The following HPSE variants were observed in gnomAD, a reference collection of about 807,000 sequenced individuals.
HPSE encodes endo-glucoronidase.
In HPSE, 48 loss-of-function variants were observed where a neutral mutation model predicts 65.1. The observed-to-expected ratio is 0.74, with a 90% CI of 0.58 to 0.94. HPSE has a LOEUF of 0.94. HPSE is among the 40% of genes least tolerant of loss of function. The pLI, the probability that HPSE is intolerant of heterozygous loss-of-function variation, is 0.00. For missense variants in HPSE, 644 were observed against 637.5 expected (o/e 1.01, Z -0.11); for synonymous variants, 243 against 260.0 (o/e 0.93, Z 0.63).
At chr4:83,321,192 T>G (rs1351563441) in intron 2 of HPSE, among the ~76,000 whole-genome samples, 2 of 152,094 alleles carry the variant, frequency 1.3e-5, no homozygotes, top group Non-Finnish European at 2.9e-5. Context: ...AGTGGGACTC[T>G]GTCTAAAAAA....
At chr4:83,321,404 T>A (rs1338290374) in intron 2 of HPSE, among the ~76,000 whole-genome samples, 1 of 152,204 alleles carries the variant, frequency 6.6e-6, no homozygotes. Flanking sequence ...ATATTCCTCA[T>A]AATGAATATA....
chr4:83,330,008 G>A (rs368501435), intron 1 of HPSE, among the ~76,000 whole-genome samples: 36 of 152,004 alleles, frequency 2.4e-4, no homozygotes, highest in East Asian at 7.8e-4. Context: ...GAAGCTACCC[G>A]CCTTCTTTCA....
At chr4:83,316,337 T>TAA (rs777780611) in intron 3 of HPSE, among the ~76,000 whole-genome samples, 1 of 50,064 alleles carries the variant, frequency 2.0e-5, no homozygotes. Context: ...ACATCTACTT[T>TAA]AAAAAAAAAA....
chr4:83,324,299 C>T (rs1038553341), intron 1 of HPSE, among the ~76,000 whole-genome samples: 2 of 151,568 alleles, frequency 1.3e-5, no homozygotes, highest in Non-Finnish European at 2.9e-5. Context: ...ATTGCCAGTA[C>T]CTCTTAATAT....
chr4:83,330,713 G>GT (rs1308809679), intron 1 of HPSE, among the ~76,000 whole-genome samples: 1 of 152,178 alleles, frequency 6.6e-6, no homozygotes, highest in South Asian at 2.1e-4. Flanking sequence ...AGCAAGCATG[G>GT]TTGCATTATC....
chr4:83,323,277 C>T (rs1736998240), intron 1 of HPSE, among the ~76,000 whole-genome samples: 1 of 151,992 alleles, frequency 6.6e-6, no homozygotes, highest in East Asian at 1.9e-4. Flanking sequence ...TTGCTCAAAC[C>T]CATAGAATGT....
chr4:83,319,027 A>G (rs533951375), intron 3 of HPSE, among the ~76,000 whole-genome samples: 1 of 152,200 alleles, frequency 6.6e-6, no homozygotes, highest in Admixed American at 6.5e-5. Flanking sequence ...ATATGTCTGT[A>G]TTTTAATTTT....
intron 11 of HPSE, among the ~76,000 whole-genome samples, chr4:83,300,631 C>T (rs1274389192): frequency 4.2e-5 from 1 of 24,044 alleles, no homozygotes; most frequent in Admixed American, 5.6e-4. Flanking sequence ...CGGGCTAAAA[C>T]GGTGAAACCC....
chr4:83,330,543 C>T (rs1005603743), intron 1 of HPSE, among the ~76,000 whole-genome samples: 2 of 152,206 alleles, frequency 1.3e-5, no homozygotes, highest in African/African-American at 4.8e-5. Context: ...GTTATCAAAA[C>T]GTGTGTTTAA....
In HPSE at chr4:83,306,213, T is replaced by A. The variant is rs1318150846; in HGVS notation, c.1196A>T (p.Asp399Val). 8.2e-6 allele frequency: 13 copies of A among 1,592,332 alleles called. No individual in the cohort carries two copies. Among genetic ancestry groups the A allele is most frequent in the Non-Finnish European group, 1.1e-5 (13 of 1,160,110 alleles). The stretch of plus-strand genomic sequence containing the variant: ...ATAATGGTCACTTACAGGTAAAGGA[T>A]CGAAGTTTTCATCCACTAAATGGTA... ...GNYHLVDENF[D>V]PLPDYWLSLL... Residue 399 changes from aspartate to valine, a missense_variant, in exon 9 of 12, where the codon GAT (aspartate) becomes GTT (valine). By Grantham distance (152) the Asp-to-Val change is radical (BLOSUM62 -3). Transcript: ENST00000311412.
intron 1 of HPSE, among the ~76,000 whole-genome samples, chr4:83,329,450 C>T (rs1578029125): frequency 6.6e-6 from 1 of 151,976 alleles, no homozygotes; most frequent in Non-Finnish European, 1.5e-5. Flanking sequence ...AATTAAGAAG[C>T]TCAAATCAGA....
intron 11 of HPSE, among the ~76,000 whole-genome samples, chr4:83,298,118 T>G (rs1159582352): frequency 1.3e-5 from 2 of 152,224 alleles, no homozygotes; most frequent in Non-Finnish European, 2.9e-5. Context: ...TGTATGCTGA[T>G]TATTTTCACA....
chr4:83,326,706 C>T lies in HPSE; in HGVS notation c.228-4342G>A, dbSNP rs1027700273. ...GCCCTAAAACCAAGATGAGGAACTT[C>T]CTCAGAGAGAACCACTCCAGGCTGG... On this transcript the variant is annotated intron_variant, in intron 1 of 11. Coordinates refer to ENST00000311412, the MANE Select transcript of HPSE (RefSeq NM_001098540.3). This position sits in a 1 kb window ranked among gnomAD's most constrained non-coding sequence, Gnocchi z 4.2. 6.6e-6 allele frequency among the ~76,000 whole-genome samples: 1 copy of T among 152,172 alleles called. No homozygotes were observed. Among genetic ancestry groups the T allele is most frequent in the Admixed American group, 6.5e-5 (1 of 15,272 alleles).
intron 10 of HPSE, among the ~76,000 whole-genome samples, chr4:83,301,536 A>G (rs1268585965): frequency 6.6e-6 from 1 of 152,186 alleles, no homozygotes; most frequent in African/African-American, 2.4e-5. Context: ...GTATAAGAAA[A>G]TTAAATCTAC....
Position 83,313,046 on chromosome 4 carries a change from A to G in HPSE, c.673+68T>C, listed in dbSNP as rs539824173. The G allele has an allele frequency of 8.2e-5, 84 of 1,027,754 alleles. No individual in the cohort carries two copies. The Middle Eastern group carries it at 1.1e-3, about 14-fold the overall frequency. The allele number at this position is 1,027,754 out of a possible 1,614,324, so 63.7% of individuals were successfully genotyped here. ...CAAAAAAAAAAAAAAAAAAAAGAAA[A>G]AGAAAAGAAAAGAAATAATGCTAGT... is the stretch of plus-strand genomic sequence containing the variant. On this transcript the variant is annotated intron_variant, in intron 4 of 11. Coordinates refer to ENST00000311412, the MANE Select transcript of HPSE (RefSeq NM_001098540.3).
rs757702541 is a variant in HPSE at position 83,322,323 on chromosome 4, G to A, written c.269C>T (p.Ala90Val). 1.2e-5 allele frequency: 20 copies of A among 1,613,466 alleles called. No individual in the cohort carries two copies. The highest frequency in any genetic ancestry group is 1.5e-5 in the Non-Finnish European group (18 of 1,179,580). Reference protein sequence around the residue: ...LRTLARGLSPAYLRFGGTKTD... With the variant: ...LRTLARGLSPVYLRFGGTKTD... ...CTTGGTGCCACCAAACCTCAGGTACGCAGGAGACAAGCCTCTGGCCAAGGT... is the reference window on the plus strand; with the variant it reads ...CTTGGTGCCACCAAACCTCAGGTACACAGGAGACAAGCCTCTGGCCAAGGT... The change falls in exon 2 of 12, where the codon GCG becomes GTG. Residue 90 changes from alanine (A) to valine (V), a missense_variant. Transcript: ENST00000311412.
intron 9 of HPSE, 126 bp downstream of exon 9, chr4:83,306,077 C>T: frequency 3.4e-6 from 2 of 589,720 alleles, no homozygotes; most frequent in Non-Finnish European, 6.1e-6. Context: ...AAGGCTCCTT[C>T]TAATTCATCA....
chr4:83,334,941 C>T, upstream of HPSE: 2 of 1,194,826 alleles, frequency 1.7e-6, no homozygotes, highest in South Asian at 3.3e-5. Context: ...CCTCCCACTC[C>T]TCTTCTGCAT....
In HPSE at chr4:83,313,193, C is replaced by T; in HGVS notation, c.594G>A (p.Gln198=). Reference sequence around the variant, plus strand: ...GCAACTGAGCATTAGAACTGTTCCACTGCAAATCTGCTGTTCTTAATAACG... The same window carrying T: ...GCAACTGAGCATTAGAACTGTTCCATTGCAAATCTGCTGTTCTTAATAACG... ...LNALLRTADL[Q]WNSSNAQLLL... is the part of the protein sequence containing the mutation. Residue 198 remains glutamine, a synonymous_variant, in exon 4 of 12, where the codon CAG becomes CAA. Coordinates refer to ENST00000311412, the MANE Select transcript of HPSE (RefSeq NM_001098540.3). 6.2e-7 allele frequency: 1 copy of T among 1,613,910 alleles called. No individual in the cohort carries two copies. The highest frequency in any genetic ancestry group is 8.5e-7 in the Non-Finnish European group (1 of 1,179,802).
Sources: gnomAD v4.1 joint callset for allele counts (sites outside exome capture counted in the v4.1 genomes callset) on GRCh38, gnomAD v4.1.1 for gene constraint, Gnocchi (gnomAD v3.1) non-coding constraint, MANE v1.5 for transcripts, NCBI Gene and HGNC (gene_info 2026-07-23, HGNC 2026-07-21) for gene names.